The following CRY1 variants were observed in gnomAD, a reference collection of about 807,000 sequenced individuals.
The protein encoded by CRY1 is cryptochrome circadian regulator 1.
A neutral mutation model predicts 76.0 loss-of-function variants in CRY1; 45 were observed. The ratio of observed to expected loss-of-function variants is 0.59; its 90% confidence interval spans 0.47 to 0.76. The LOEUF (loss-of-function observed/expected upper bound fraction) is 0.76. Ranked by LOEUF, CRY1 falls within the 30% of genes least tolerant of loss-of-function variation. CRY1 has a pLI of 0.00. For synonymous variants in CRY1, 248 were observed against 244.0 expected (o/e 1.02, Z -0.15); for missense variants, 587 against 716.4 (o/e 0.82, Z 2.06).
At chr12:107,047,754 G>T (rs533545737) in intron 1 of CRY1, among the ~76,000 whole-genome samples, 13 of 152,216 alleles carry the variant, frequency 8.5e-5, no homozygotes, top group Admixed American at 7.8e-4. Flanking sequence ...CCAGTCTCAG[G>T]TATTTCTTCA....
intron 1 of CRY1, among the ~76,000 whole-genome samples, chr12:107,022,837 T>C (rs1952573324): frequency 6.8e-6 from 1 of 147,116 alleles, no homozygotes; most frequent in Non-Finnish European, 1.5e-5. Flanking sequence ...AAATGCCAGA[T>C]TAACTTCTAA....
At chr12:107,068,830 G>A (rs138119520) in intron 1 of CRY1, among the ~76,000 whole-genome samples, 17 of 152,168 alleles carry the variant, frequency 1.1e-4, no homozygotes, top group African/African-American at 1.4e-4. Flanking sequence ...TCATATAAAC[G>A]GAATCATATA....
In CRY1 at chr12:107,076,240, A is replaced by AT. The variant is rs897927224; in HGVS notation, c.158+16563dup. On this transcript the variant is annotated intron_variant, in intron 1 of 12. Coordinates refer to ENST00000008527, the MANE Select transcript of CRY1 (RefSeq NM_004075.5). ...CTATCAAATTAATGCACACTTTTCT[A>AT]TTTTTTTTTTAAATGATTTCCTTTT... Among the ~76,000 whole-genome samples the AT allele has an allele frequency of 1.5e-3, 225 of 149,936 alleles. 1 individual carries two copies. Among genetic ancestry groups the AT allele is most frequent in the African/African-American group, 2.1e-3 (85 of 40,878 alleles).
chr12:107,089,178 G>T (rs146830918), intron 1 of CRY1, among the ~76,000 whole-genome samples: 1 of 152,108 alleles, frequency 6.6e-6, no homozygotes, highest in African/African-American at 2.4e-5. Context: ...CCACCTTTTG[G>T]CTATTATGAA....
At chr12:107,010,247 G>C (rs1952428224) in intron 2 of CRY1, among the ~76,000 whole-genome samples, 1 of 152,042 alleles carries the variant, frequency 6.6e-6, no homozygotes, top group Admixed American at 6.6e-5. Context: ...CCTGATATAG[G>C]TAACTTGTAT....
intron 1 of CRY1, among the ~76,000 whole-genome samples, chr12:107,075,646 C>T (rs955448226): frequency 6.6e-6 from 1 of 152,144 alleles, no homozygotes; most frequent in Non-Finnish European, 1.5e-5. Context: ...TGACACCCAC[C>T]CTGTGCCACG....
chr12:107,052,578 G>C (rs915060253), intron 1 of CRY1, among the ~76,000 whole-genome samples: 2 of 152,140 alleles, frequency 1.3e-5, no homozygotes, highest in African/African-American at 4.8e-5. Flanking sequence ...TGGGACTTCA[G>C]GGAATAAAGG....
chr12:107,062,104 TA>T (rs1476315277), intron 1 of CRY1, among the ~76,000 whole-genome samples: 3 of 151,292 alleles, frequency 2.0e-5, no homozygotes, highest in African/African-American at 7.3e-5. Context: ...CATTCAACAT[TA>T]AAAATCCTAT....
chr12:106,992,815 G>A lies in CRY1; in HGVS notation c.1733C>T (p.Pro578Leu). ...SQEEDTQSIG[P>L]KVQRQSTN ...ATTAGTGCTCTGTCTCTGGACTTTA[G>A]GACCAATACTCTGTGTGTCCTCTTC... Residue 578 changes from proline to leucine, a missense_variant, in exon 12 of 13, where the codon CCT (proline) becomes CTT (leucine). Transcript: ENST00000008527. The A allele has an allele frequency of 6.2e-7, 1 of 1,613,812 alleles. No individual in the cohort carries two copies. The highest frequency in any genetic ancestry group is 1.7e-5 in the Admixed American group (1 of 59,998).
intron 1 of CRY1, among the ~76,000 whole-genome samples, chr12:107,036,265 G>A (rs1192227750): frequency 1.3e-5 from 2 of 152,160 alleles, no homozygotes; most frequent in African/African-American, 4.8e-5. Context: ...ATTGGATATT[G>A]GTGAACACTA....
intron 10 of CRY1, among the ~76,000 whole-genome samples, 183 bp downstream of exon 10, chr12:106,997,111 A>AT (rs772507729): frequency 1.1e-4 from 16 of 152,228 alleles, no homozygotes; most frequent in Non-Finnish European, 1.8e-4. Flanking sequence ...TTCCATCTCT[A>AT]AAATGTCATC....
chr12:107,038,327 G>A (rs539546682), intron 1 of CRY1, among the ~76,000 whole-genome samples: 85 of 152,264 alleles, frequency 5.6e-4, no homozygotes, highest in South Asian at 1.0e-3. Context: ...AAGAATGGCT[G>A]ACAGAAAGAA....
Position 106,992,879 on chromosome 12 carries a change from T to C in CRY1, c.1669A>G (p.Met557Val), listed in dbSNP as rs778896381. ...TTCCCACCACTGAGACCAGTGCCCA[T>C]GGAGCTTCTTCCTGCACATTTAAAA... ...THLLKQGRSS[M>V]GTGLSGGKRP... Residue 557 changes from methionine to valine, a missense_variant, in exon 12 of 13, where the codon ATG (methionine) becomes GTG (valine). Coordinates refer to ENST00000008527, the MANE Select transcript of CRY1 (RefSeq NM_004075.5). 3.7e-6 allele frequency: 6 copies of C among 1,613,862 alleles called. No individual in the cohort carries two copies. The highest frequency in any genetic ancestry group is 1.6e-4 in the Middle Eastern group (1 of 6,084).
At chr12:107,019,704 G>A (rs1452343515) in intron 2 of CRY1, among the ~76,000 whole-genome samples, 1 of 152,084 alleles carries the variant, frequency 6.6e-6, no homozygotes, top group African/African-American at 2.4e-5. Flanking sequence ...GTTGAAGGAG[G>A]ATTGCCTGAG....
At chr12:107,076,610 G>GC (rs201490380) in intron 1 of CRY1, among the ~76,000 whole-genome samples, 1,989 of 134,250 alleles carry the variant, frequency 0.015, 22 homozygotes, top group Middle Eastern at 0.048. Context: ...ATGAGACCCT[G>GC]CCTCAAAGAA....
chr12:107,063,684 G>A (rs763072229), intron 1 of CRY1, among the ~76,000 whole-genome samples: 3 of 152,022 alleles, frequency 2.0e-5, no homozygotes, highest in Non-Finnish European at 4.4e-5. Flanking sequence ...TGCAACCTCC[G>A]CCTCCTGGAT....
intron 1 of CRY1, among the ~76,000 whole-genome samples, chr12:107,056,148 A>C (rs559310617): frequency 6.6e-6 from 1 of 152,330 alleles, no homozygotes; most frequent in South Asian, 2.1e-4. Flanking sequence ...CAGAAATTAA[A>C]GCCTAGAACC....
chr12:107,058,375 C>A (rs1953009681), intron 1 of CRY1, among the ~76,000 whole-genome samples: 1 of 152,010 alleles, frequency 6.6e-6, no homozygotes, highest in African/African-American at 2.4e-5. Flanking sequence ...CCAAGATAAA[C>A]CTCTTGGCAA....
chr12:107,009,556 A>AAC (rs1226815628), intron 2 of CRY1, among the ~76,000 whole-genome samples: 474 of 44,596 alleles, frequency 0.011, 13 homozygotes, highest in Admixed American at 0.031. Flanking sequence ...ACAAAAAAAC[A>AAC]AAAAAACATA....
Sources: gnomAD v4.1 joint callset for allele counts (sites outside exome capture counted in the v4.1 genomes callset) on GRCh38, gnomAD v4.1.1 for gene constraint, MANE v1.5 for transcripts, NCBI Gene and HGNC (gene_info 2026-07-23, HGNC 2026-07-21) for gene names.